The following SLC2A11 variants were observed in gnomAD, a reference collection of about 807,000 sequenced individuals.
The protein encoded by SLC2A11 is solute carrier family 2, facilitated glucose transporter member 11.
A neutral mutation model predicts 52.1 loss-of-function variants in SLC2A11; 43 were observed. That is an observed-to-expected ratio of 0.82 (90% confidence interval 0.65 to 1.06). The LOEUF (loss-of-function observed/expected upper bound fraction) is 1.06. SLC2A11 is among the 50% of genes least tolerant of loss of function. The probability of loss-of-function intolerance (pLI) is 0.00; values close to 1 mark genes in which losing one functional copy is unlikely to be tolerated. For missense variants in SLC2A11, 582 were observed against 654.2 expected (o/e 0.89, Z 1.20); for synonymous variants, 261 against 277.6 (o/e 0.94, Z 0.59).
intron 2 of SLC2A11, chr22:23,866,165 T>C (rs2032254771): frequency 7.3e-6 from 1 of 136,968 alleles, no homozygotes; most frequent in Non-Finnish European, 1.6e-5. Context: ...GGAGACACTA[T>C]CTTTAAAAAA....
At chr22:23,867,643 T>G (rs1701805022) in intron 2 of SLC2A11, 1 of 469,476 alleles carries the variant, frequency 2.1e-6, no homozygotes, top group Admixed American at 2.4e-5. Context: ...ACCAAGAGAT[T>G]AGAGGGTCCG....
At position 23,884,318 on chromosome 22, in the gene SLC2A11, C is replaced by G. The variant is rs138949711; in HGVS notation, c.1188C>G (p.Ile396Met). The G allele has an allele frequency of 1.7e-5, 27 of 1,613,656 alleles. No homozygotes were observed. The highest frequency in any genetic ancestry group is 2.2e-5 in the Non-Finnish European group (26 of 1,179,876). The change falls in exon 11 of 12, where the codon ATC (isoleucine) becomes ATG (methionine). Residue 396 changes from isoleucine (I) to methionine (M), a missense_variant. Coordinates refer to ENST00000316185, the MANE Select transcript of SLC2A11 (RefSeq NM_001024939.4). This position sits in a 1 kb window ranked among gnomAD's most constrained non-coding sequence, Gnocchi z 4.3. ...TCCTTCTAGCCGGAGTGACGGGGATCCTGGCCACAGAGCTGTTTGACCAGA... is the reference window on the plus strand; with the variant it reads ...TCCTTCTAGCCGGAGTGACGGGGATGCTGGCCACAGAGCTGTTTGACCAGA... ...FGIGPAGVTG[I>M]LATELFDQMA... is the part of the protein sequence containing the mutation.
At chr22:23,863,093 C>T (rs539907905) in intron 2 of SLC2A11, among the ~76,000 whole-genome samples, 1 of 152,318 alleles carries the variant, frequency 6.6e-6, no homozygotes, top group African/African-American at 2.4e-5. Flanking sequence ...CTGTCTCACA[C>T]CTTCGCTCCC....
At chr22:23,857,221 G>C, upstream of SLC2A11, 1 of 743,340 alleles carries the variant, frequency 1.3e-6, no homozygotes, top group South Asian at 1.7e-5. Context: ...TTGCGGCTGA[G>C]GTCAGACCAG....
intron 1 of SLC2A11, among the ~76,000 whole-genome samples, chr22:23,861,660 A>G (rs1196844889): frequency 3.1e-5 from 4 of 129,524 alleles, no homozygotes; most frequent in Non-Finnish European, 5.0e-5. Flanking sequence ...GAGGTGGCTC[A>G]GCCCAGATTC....
chr22:23,882,824 GATCATC>G lies in SLC2A11; in HGVS notation c.949_954del (p.Ile317_Ile318del). 6.2e-7 allele frequency: 1 copy of G among 1,613,794 alleles called. No individual in the cohort carries two copies. Among genetic ancestry groups the G allele is most frequent in the Non-Finnish European group, 8.5e-7 (1 of 1,179,868 alleles). On this transcript the variant is annotated inframe_deletion, in exon 8 of 12. Coordinates refer to ENST00000316185, the MANE Select transcript of SLC2A11 (RefSeq NM_001024939.4). ...TGCCGGAAGCGAAGATCCAGTACGCGATCATCGGGACTGGGAGCTGCGAGCTGCTCA... is the reference window on the plus strand; with the variant it reads ...TGCCGGAAGCGAAGATCCAGTACGCGGGGACTGGGAGCTGCGAGCTGCTCA...
chr22:23,868,399 GCC>G (rs767845665), intron 2 of SLC2A11, 80 bp from the exon 3 acceptor site: 448 of 1,533,398 alleles, frequency 2.9e-4, no homozygotes, highest in Non-Finnish European at 3.8e-4. Flanking sequence ...GAGGCATGGA[GCC>G]CTGTTGGGGA....
upstream of SLC2A11, chr22:23,857,605 C>G (rs116212471): frequency 1.5e-5 from 19 of 1,298,842 alleles, no homozygotes; most frequent in Non-Finnish European, 2.0e-5. Flanking sequence ...CGACTCCCCC[C>G]CAACACGCTG....
At chr22:23,867,674 G>C (rs2032315713) in intron 2 of SLC2A11, 1 of 470,326 alleles carries the variant, frequency 2.1e-6, no homozygotes, top group Non-Finnish European at 4.4e-6. Flanking sequence ...CCCACTCACG[G>C]AGCTCTAGGA....
At chr22:23,857,585 C>CCG (rs1379280983), upstream of SLC2A11, 20 of 1,474,844 alleles carry the variant, frequency 1.4e-5, no homozygotes, top group African/African-American at 7.1e-5. Context: ...AAACCCCCCC[C>CCG]CCGCGGCGGC....
chr22:23,870,501 T>G (rs911442640), intron 3 of SLC2A11: 22 of 160,118 alleles, frequency 1.4e-4, no homozygotes, highest in Admixed American at 1.3e-4. Context: ...CTATTTGCTT[T>G]GTTTATCACC....
intron 1 of SLC2A11, among the ~76,000 whole-genome samples, chr22:23,860,185 C>A (rs1420150929): frequency 6.6e-6 from 1 of 151,710 alleles, no homozygotes; most frequent in African/African-American, 2.4e-5. Flanking sequence ...CTTTGGGAGG[C>A]CAAGGCGAGT....
upstream of SLC2A11, chr22:23,857,632 A>G (rs1219561580): frequency 2.2e-6 from 2 of 913,980 alleles, no homozygotes; most frequent in African/African-American, 4.5e-5. Context: ...ACTCCCCAGC[A>G]CCCCCAGCCC....
chr22:23,857,336 C>A, upstream of SLC2A11: 1 of 1,270,888 alleles, frequency 7.9e-7, no homozygotes, highest in Non-Finnish European at 1.1e-6. Flanking sequence ...GCGCGGCGAC[C>A]AGAGTCGCTT....
chr22:23,870,692 T>C (rs904135492), intron 3 of SLC2A11: 2 of 152,050 alleles, frequency 1.3e-5, no homozygotes, highest in African/African-American at 4.8e-5. Flanking sequence ...TTTTTATTTT[T>C]TATTTTTTAT....
rs184486247 is a variant in SLC2A11, at chr22:23,870,006, A to T, written c.290+1365A>T. On this transcript the variant is annotated intron_variant, in intron 3 of 11. Transcript: ENST00000316185. Reference sequence around the variant, plus strand: ...TCTCATGGCCTAATCAATCTCCCAAAGGCCCACCTCTAAATACCGTTGCAT... The same window carrying T: ...TCTCATGGCCTAATCAATCTCCCAATGGCCCACCTCTAAATACCGTTGCAT... 5.4e-5 allele frequency: 39 copies of T among 717,632 alleles called. No individual in the cohort carries two copies. In the African/African-American group the frequency reaches 6.6e-4, roughly 12 times the overall value. 44.5% of individuals were successfully genotyped at this position (717,632 alleles called of 1,614,324 possible). A position where few individuals can be genotyped will look rare whatever the true frequency, so the allele number is the denominator to read the frequency against.
At chr22:23,869,913 CAA>C in intron 3 of SLC2A11, 1 of 688,994 alleles carries the variant, frequency 1.5e-6, no homozygotes, top group African/African-American at 1.8e-5. Context: ...GGGCAAAAGG[CAA>C]AAAGAGCCTG....
At chr22:23,864,595 C>T (rs1476045169) in intron 2 of SLC2A11, among the ~76,000 whole-genome samples, 1 of 152,076 alleles carries the variant, frequency 6.6e-6, no homozygotes, top group East Asian at 1.9e-4. Context: ...GCTGGGATTA[C>T]AGGGGTGATG....
chr22:23,881,049 T>C (rs777101918), intron 6 of SLC2A11: 2 of 151,960 alleles, frequency 1.3e-5, no homozygotes, highest in Non-Finnish European at 2.9e-5. Flanking sequence ...AGGTCTTTGT[T>C]ACGGTAGCAC....
Sources: gnomAD v4.1 joint callset for allele counts (sites outside exome capture counted in the v4.1 genomes callset) on GRCh38, gnomAD v4.1.1 for gene constraint, Gnocchi (gnomAD v3.1) non-coding constraint, MANE v1.5 for transcripts, NCBI Gene and HGNC (gene_info 2026-07-23, HGNC 2026-07-21) for gene names.